The following KDM2B variants were observed in gnomAD, a reference collection of about 807,000 sequenced individuals.
KDM2B encodes the protein lysine-specific demethylase 2B.
KDM2B carries 26 observed loss-of-function variants against 150.0 expected under a neutral mutation model. That is an observed-to-expected ratio of 0.17 (90% CI 0.13 to 0.24). KDM2B has a LOEUF of 0.24. KDM2B is among the 10% of genes least tolerant of loss of function. The pLI is 1.00. For missense variants in KDM2B, 1,265 were observed against 1,816.9 expected, an observed-to-expected ratio of 0.70 and a Z score of 5.52; for synonymous variants, 734 against 729.5, an observed-to-expected ratio of 1.01 and a Z score of -0.10.
At chr12:121,546,379 C>CTTTTTTTTTTTTTTTTTTTTTT (rs371614406) in intron 6 of KDM2B, among the ~76,000 whole-genome samples, 2 of 97,478 alleles carry the variant, frequency 2.1e-5, no homozygotes, top group Non-Finnish European at 3.7e-5. Context: ...TTTTTTTTGC[C>CTTTTTTTTTTTTTTTTTTTTTT]TTTTTTTTTT....
chr12:121,437,463 C>A (rs1454491039), intron 22 of KDM2B, among the ~76,000 whole-genome samples: 1 of 151,562 alleles, frequency 6.6e-6, no homozygotes, highest in Non-Finnish European at 1.5e-5. Flanking sequence ...AATAAATCCT[C>A]ATGTTATATA....
chr12:121,568,235 G>A (rs1473394849), intron 4 of KDM2B, among the ~76,000 whole-genome samples: 3 of 152,086 alleles, frequency 2.0e-5, no homozygotes, highest in African/African-American at 4.8e-5. Flanking sequence ...TTGGGAGGTC[G>A]AAGCAGGAGA....
chr12:121,516,480 C>CGCCTTCCACCCTT (rs1555305013), intron 9 of KDM2B: 1 of 1,356,000 alleles, frequency 7.4e-7, no homozygotes, highest in Non-Finnish European at 9.7e-7. Flanking sequence ...AACAGGTTGT[C>CGCCTTCCACCCTT]GCCTTCCACC....
upstream of KDM2B, chr12:121,581,116 C>T: frequency 1.7e-6 from 1 of 573,046 alleles, no homozygotes; most frequent in Non-Finnish European, 2.8e-6. Flanking sequence ...CTGTGGACTC[C>T]TTTACTAGGC....
intron 11 of KDM2B, among the ~76,000 whole-genome samples, chr12:121,497,496 G>A (rs1884100102): frequency 6.6e-6 from 1 of 151,922 alleles, no homozygotes; most frequent in Admixed American, 6.6e-5. Context: ...AGTAGAGACA[G>A]GGTTTCACCA....
At chr12:121,494,296 G>C (rs1181504417) in intron 12 of KDM2B, 1 of 384,766 alleles carries the variant, frequency 2.6e-6, no homozygotes, top group Non-Finnish European at 4.8e-6. Context: ...GAGGGAAGGA[G>C]AGACAGAAAA....
At chr12:121,454,096 A>C (rs962364323) in intron 12 of KDM2B, among the ~76,000 whole-genome samples, 3 of 151,416 alleles carry the variant, frequency 2.0e-5, no homozygotes, top group Non-Finnish European at 4.4e-5. Flanking sequence ...TTCTTCTGGA[A>C]GCCCCTACTG....
chr12:121,487,836 C>A (rs906304705), intron 12 of KDM2B, among the ~76,000 whole-genome samples: 2 of 150,532 alleles, frequency 1.3e-5, no homozygotes, highest in Admixed American at 1.3e-4. Flanking sequence ...CCCTGTGGCA[C>A]GGTGTCGCGA....
chr12:121,533,002 G>C lies in KDM2B; in HGVS notation c.778-43C>G. On this transcript the variant is annotated intron_variant, in intron 7 of 22. Transcript: ENST00000377071. This position sits in a 1 kb window ranked among gnomAD's most constrained non-coding sequence, Gnocchi z 4.1. ...GCAGTCAGCTGGAGACCCAGGCCCAGACAAGACCCAGAGAGAGGGCCCCAC... is the reference window on the plus strand; with the variant it reads ...GCAGTCAGCTGGAGACCCAGGCCCACACAAGACCCAGAGAGAGGGCCCCAC... 2 of 1,610,142 alleles carry C rather than the reference G, an allele frequency of 1.2e-6. No individual in the cohort carries two copies. The highest frequency in any genetic ancestry group is 1.7e-6 in the Non-Finnish European group (2 of 1,177,608).
At chr12:121,534,634 A>C in intron 6 of KDM2B, 44 bp from the exon 7 acceptor site, 1 of 1,452,186 alleles carries the variant, frequency 6.9e-7, no homozygotes, top group Non-Finnish European at 9.7e-7. Flanking sequence ...TCAAGATCTA[A>C]ATCACAAGAC....
chr12:121,524,349 C>T (rs1886947515), intron 8 of KDM2B, among the ~76,000 whole-genome samples: 1 of 152,216 alleles, frequency 6.6e-6, no homozygotes, highest in South Asian at 2.1e-4. Flanking sequence ...GCCCTGGACT[C>T]TCCCTGTTCT....
chr12:121,551,796 GC>G (rs1566408894), intron 4 of KDM2B, among the ~76,000 whole-genome samples: 1 of 151,620 alleles, frequency 6.6e-6, no homozygotes, highest in Non-Finnish European at 1.5e-5. Context: ...CAAGTGATCC[GC>G]CCGCCTCAGC....
chr12:121,493,002 C>T (rs1171278085), intron 12 of KDM2B, among the ~76,000 whole-genome samples: 6 of 150,798 alleles, frequency 4.0e-5, no homozygotes, highest in African/African-American at 1.5e-4. Flanking sequence ...CTCAAGCGAT[C>T]CTCCTGCTTA....
intron 12 of KDM2B, among the ~76,000 whole-genome samples, chr12:121,479,580 T>C (rs1479972032): frequency 2.6e-5 from 4 of 151,988 alleles, no homozygotes; most frequent in African/African-American, 9.7e-5. Context: ...GTCAGCATCA[T>C]TGCACTGAAG....
chr12:121,426,277 G>C (rs1439566749), downstream of KDM2B, among the ~76,000 whole-genome samples: 1 of 152,158 alleles, frequency 6.6e-6, no homozygotes, highest in Non-Finnish European at 1.5e-5. Flanking sequence ...GGATTTTTTA[G>C]ATAGTAGTTT....
At position 121,513,605 on chromosome 12, in the gene KDM2B, G is replaced by A; in HGVS notation, c.1048-203C>T. Among the ~76,000 whole-genome samples, 1 of 152,108 alleles carries A rather than the reference G, an allele frequency of 6.6e-6. No individual in the cohort carries two copies. Among genetic ancestry groups the A allele is most frequent in the Non-Finnish European group, 1.5e-5 (1 of 68,006 alleles). ...ACAAATGAGGCGGAGGACGAGGCCC[G>A]CATGAGCGCCTCATCTCAAAGGTCC... On this transcript the variant is annotated intron_variant, in intron 9 of 22. Transcript: ENST00000377071. This position sits in a 1 kb window ranked among gnomAD's most constrained non-coding sequence, Gnocchi z 5.0.
chr12:121,515,783 G>A (rs1886124840), intron 9 of KDM2B, among the ~76,000 whole-genome samples: 1 of 151,834 alleles, frequency 6.6e-6, no homozygotes, highest in Non-Finnish European at 1.5e-5. Context: ...TGCACACTGG[G>A]TGCTGGGCTC....
the KDM2B span, among the ~76,000 whole-genome samples, chr12:121,413,044 G>C: frequency 7.0e-6 from 1 of 143,126 alleles, no homozygotes; most frequent in African/African-American, 2.7e-5. Context: ...TCCTCTTTTC[G>C]AGGCAGAGTC....
At chr12:121,503,030 T>G (rs1593973561) in intron 11 of KDM2B, among the ~76,000 whole-genome samples, 1 of 146,426 alleles carries the variant, frequency 6.8e-6, no homozygotes, top group South Asian at 2.1e-4. Context: ...CAGGCTAGGG[T>G]GCAATGGCGC....
Sources: gnomAD v4.1 joint callset for allele counts (sites outside exome capture counted in the v4.1 genomes callset) on GRCh38, gnomAD v4.1.1 for gene constraint, Gnocchi (gnomAD v3.1) non-coding constraint, MANE v1.5 for transcripts, NCBI Gene and HGNC (gene_info 2026-07-23, HGNC 2026-07-21) for gene names.